The following ST18 variants were observed in gnomAD, a reference collection of about 807,000 sequenced individuals.
ST18 encodes suppression of tumorigenicity 18 protein.
A neutral mutation model predicts 110.0 loss-of-function variants in ST18; 50 were observed. The observed-to-expected ratio is 0.45, with a 90% CI of 0.36 to 0.58. The LOEUF (loss-of-function observed/expected upper bound fraction) is 0.58. Among genes scored for constraint, ST18 ranks in the 20% least tolerant of loss-of-function variants. The pLI is 0.00. For synonymous variants in ST18, 461 were observed against 452.4 expected (o/e 1.02, Z -0.24); for missense variants, 1,306 against 1,280.1 (o/e 1.02, Z -0.31).
At chr8:52,327,104 A>G (rs751225031) in intron 2 of ST18, among the ~76,000 whole-genome samples, 46 of 152,364 alleles carry the variant, frequency 3.0e-4, no homozygotes, top group Non-Finnish European at 5.4e-4. Context: ...CAACCAATAA[A>G]GGATGTAAAA....
intron 8 of ST18, among the ~76,000 whole-genome samples, chr8:52,188,349 A>C (rs1042039018): frequency 6.6e-6 from 1 of 152,210 alleles, no homozygotes; most frequent in Non-Finnish European, 1.5e-5. Context: ...GAGAAAATGC[A>C]GAAACAGTGG....
intron 10 of ST18, among the ~76,000 whole-genome samples, chr8:52,170,375 C>T (rs1379897312): frequency 6.6e-6 from 1 of 151,854 alleles, no homozygotes; most frequent in Non-Finnish European, 1.5e-5. Context: ...AGAATGGAAC[C>T]TGGGAGGCAG....
At position 52,394,117 on chromosome 8, in the gene ST18, A is replaced by C. The variant is rs1840280909; in HGVS notation, c.-465+15211T>G. On this transcript the variant is annotated intron_variant, in intron 2 of 25. Coordinates refer to ENST00000689386, the MANE Select transcript of ST18 (RefSeq NM_001352837.2). ...TGTGTTCTCTACCAGAATGTCACAC[A>C]GGCACCATTCCCATCCCCCTGTCTT... 2.0e-5 allele frequency among the ~76,000 whole-genome samples: 3 copies of C among 152,134 alleles called. No individual in the cohort carries two copies. The South Asian group carries it at 6.2e-4, about 31-fold the overall frequency.
rs548222538 is a variant in ST18 at position 52,351,515 on chromosome 8, G to A, written c.-465+57813C>T. Among the ~76,000 whole-genome samples the A allele has an allele frequency of 6.2e-4, 94 of 152,290 alleles. 1 individual carries two copies. In the South Asian group the frequency reaches 0.019, roughly 31 times the overall value. On this transcript the variant is annotated intron_variant, in intron 2 of 25. Coordinates refer to ENST00000689386, the MANE Select transcript of ST18 (RefSeq NM_001352837.2). ...CCAATGCTTATTAAATCAACTCTGA[G>A]ATATACTGAACTCTCATGACATAAC...
chr8:52,235,197 A>G (rs1250609721), intron 2 of ST18, among the ~76,000 whole-genome samples: 2 of 152,218 alleles, frequency 1.3e-5, no homozygotes, highest in Non-Finnish European at 2.9e-5. Flanking sequence ...AAAAAATAAA[A>G]AAAAGAATGC....
intron 2 of ST18, among the ~76,000 whole-genome samples, chr8:52,239,175 C>A (rs2093104127): frequency 6.6e-6 from 1 of 151,944 alleles, no homozygotes. Flanking sequence ...AGTTGTTGCC[C>A]AGGGTTAGGA....
At chr8:52,375,111 C>T (rs1831781724) in intron 2 of ST18, among the ~76,000 whole-genome samples, 1 of 152,088 alleles carries the variant, frequency 6.6e-6, no homozygotes, top group Non-Finnish European at 1.5e-5. Flanking sequence ...CTCTTTCTCT[C>T]TCTCTTTATC....
intron 2 of ST18, among the ~76,000 whole-genome samples, chr8:52,287,840 C>T (rs867533781): frequency 2.6e-5 from 4 of 152,120 alleles, no homozygotes; most frequent in African/African-American, 7.2e-5. Context: ...CCACCTATTA[C>T]GTCTTAATTT....
chr8:52,175,916 G>A (rs1007801315), intron 9 of ST18, among the ~76,000 whole-genome samples: 15 of 152,232 alleles, frequency 9.9e-5, no homozygotes, highest in Admixed American at 8.5e-4. Context: ...GAAACACAGC[G>A]ACCCTTAGGA....
chr8:52,171,918 C>A lies in ST18; in HGVS notation c.943G>T (p.Glu315Ter). 6.2e-7 allele frequency: 1 copy of A among 1,614,224 alleles called. No homozygotes were observed. Among genetic ancestry groups the A allele is most frequent in the Non-Finnish European group, 8.5e-7 (1 of 1,180,040 alleles). ...LLEQAIALQA[E>*]RGCVFHNTYK... The stretch of plus-strand genomic sequence containing the variant: ...GTGTTATGGAAAACACAACCTCGCT[C>A]AGCCTGCAGAGCAATTGCCTGCTCC... The change falls in exon 10 of 26, where the codon GAG becomes TAG. Residue 315 changes from glutamate (E) to a stop codon, truncating the protein, a stop_gained. Transcript: ENST00000689386. LOFTEE classifies it high-confidence loss of function.
In ST18 at chr8:52,172,493, T is replaced by A; in HGVS notation, c.368A>T (p.Gln123Leu). ...SRKEDRYSCY[Q>L]ELMVKSLMHL... ...CATTAAAGACTTGACCATGAGCTCT[T>A]GATAACAAGAGTATCTGTCTTCCTT... Residue 123 changes from glutamine (Q) to leucine (L), a missense_variant, in exon 10 of 26, where the codon CAA becomes CTA. Physicochemically the swap from Gln to Leu is moderately radical, Grantham distance 113. Transcript: ENST00000689386. 1 of 1,613,866 alleles carries A rather than the reference T, an allele frequency of 6.2e-7. No individual in the cohort carries two copies. The highest frequency in any genetic ancestry group is 8.5e-7 in the Non-Finnish European group (1 of 1,180,010).
At chr8:52,128,282 ATATCT>A (rs2047890866) in intron 22 of ST18, among the ~76,000 whole-genome samples, 1 of 152,220 alleles carries the variant, frequency 6.6e-6, no homozygotes, top group East Asian at 1.9e-4. Flanking sequence ...ATTTTAAATT[ATATCT>A]TCATCTGCCT....
chr8:52,397,067 T>G (rs1222173414), intron 2 of ST18, among the ~76,000 whole-genome samples: 1 of 152,228 alleles, frequency 6.6e-6, no homozygotes, highest in Non-Finnish European at 1.5e-5. Flanking sequence ...ATACTGTTTT[T>G]CATAATGGCT....
chr8:52,301,213 C>A (rs969454025), intron 2 of ST18, among the ~76,000 whole-genome samples: 9 of 152,104 alleles, frequency 5.9e-5, no homozygotes, highest in African/African-American at 2.4e-5. Flanking sequence ...TATTTAACTC[C>A]TTTGAGGAAA....
intron 2 of ST18, among the ~76,000 whole-genome samples, chr8:52,278,007 T>C (rs183574282): frequency 3.2e-4 from 48 of 152,274 alleles, no homozygotes; most frequent in Non-Finnish European, 5.7e-4. Flanking sequence ...ATGCACAAAA[T>C]ATTATAAAAT....
chr8:52,360,174 T>A (rs7387364), intron 2 of ST18, among the ~76,000 whole-genome samples: 119,504 of 152,014 alleles, frequency 0.79, 50,329 homozygotes, highest in Non-Finnish European at 0.93. Flanking sequence ...CCCTAAATCT[T>A]AACCTGTCAG....
chr8:52,114,176 G>A (rs912658941), intron 25 of ST18, among the ~76,000 whole-genome samples: 3 of 151,702 alleles, frequency 2.0e-5, no homozygotes, highest in African/African-American at 7.3e-5. Context: ...CACCATGTTG[G>A]CCAGGCTGGT....
chr8:52,182,169 T>C (rs1019821185), intron 8 of ST18, among the ~76,000 whole-genome samples: 1 of 152,220 alleles, frequency 6.6e-6, no homozygotes, highest in Non-Finnish European at 1.5e-5. Context: ...CTAAAAATCA[T>C]AGTAATTGAA....
chr8:52,393,815 A>C (rs1840129654), intron 2 of ST18: 1 of 150,054 alleles, frequency 6.7e-6, no homozygotes, highest in Admixed American at 6.7e-5. Flanking sequence ...CCCAGGAGGC[A>C]GAGGTTGCAG....
Sources: allele counts gnomAD v4.1 joint callset (sites outside exome capture counted in the v4.1 genomes callset), GRCh38; gene constraint gnomAD v4.1.1; transcripts MANE v1.5; gene names NCBI Gene and HGNC (gene_info 2026-07-23, HGNC 2026-07-21).